The following PPM1J variants were observed in gnomAD, a reference collection of about 807,000 sequenced individuals.
PPM1J encodes protein phosphatase, Mg2+/Mn2+ dependent 1J.
In PPM1J, 43 loss-of-function variants were observed where a neutral mutation model predicts 53.3. The ratio of observed to expected loss-of-function variants is 0.81; its 90% CI spans 0.63 to 1.04. PPM1J has a LOEUF of 1.04. Among genes scored for constraint, PPM1J ranks in the 50% least tolerant of loss-of-function variants. The pLI, the probability that PPM1J is intolerant of heterozygous loss-of-function variation, is 0.00. For missense variants in PPM1J, 635 were observed against 685.9 expected (o/e 0.93, Z 0.83); for synonymous variants, 267 against 286.4 (o/e 0.93, Z 0.68).
chr1:112,710,070 C>A lies in PPM1J; in HGVS notation c.*93G>T. On this transcript the variant is annotated 3_prime_UTR_variant, in exon 10 of 10. Coordinates refer to ENST00000309276, the MANE Select transcript of PPM1J (RefSeq NM_005167.7). ...GGACATCCCTTCTTCAGTTAAGTTGCCACTAAAGAAGGGTCAGGGAGACAA... is the reference window on the plus strand; with the variant it reads ...GGACATCCCTTCTTCAGTTAAGTTGACACTAAAGAAGGGTCAGGGAGACAA... 1.4e-6 allele frequency: 2 copies of A among 1,469,360 alleles called. No individual in the cohort carries two copies. Among genetic ancestry groups the A allele is most frequent in the Middle Eastern group, 1.8e-4 (1 of 5,472 alleles). 91.0% of individuals were successfully genotyped at this position (1,469,360 alleles called of 1,614,324 possible). A position where few individuals can be genotyped will look rare whatever the true frequency, so the allele number is the denominator to read the frequency against.
At chr1:112,712,296 T>A (rs1403272153) in intron 4 of PPM1J, 49 bp downstream of exon 4, 1 of 1,403,184 alleles carries the variant, frequency 7.1e-7, no homozygotes, top group East Asian at 2.5e-5. Flanking sequence ...TTCCCCCAAC[T>A]CAGAGAGTGT....
intron 2 of PPM1J, 33 bp from the exon 3 acceptor site, chr1:112,713,064 T>TTGTGTGTGTGTGTG (rs36095892): frequency 0.01 from 10,394 of 1,029,576 alleles, 52 homozygotes; most frequent in East Asian, 0.023. Flanking sequence ...TGAGTTTTGT[T>TTGTGTGTGTGTGTG]TGTGTGTGTG....
Position 112,710,498 on chromosome 1 carries a change from G to C in PPM1J, c.1332C>G (p.Asp444Glu), listed in dbSNP as rs756049920. The C allele has an allele frequency of 2.5e-6, 4 of 1,613,964 alleles. No homozygotes were observed. In the Admixed American group the frequency reaches 6.7e-5, roughly 27 times the overall value. The change falls in exon 9 of 10, where the codon GAC becomes GAG. Residue 444 changes from aspartate to glutamate, a missense_variant. By Grantham distance (45) the Asp-to-Glu change is conservative (BLOSUM62 2). Transcript: ENST00000309276. ...TTDCEVAATVDRVLSAYEPND... is the reference protein window; with the variant it reads ...TTDCEVAATVERVLSAYEPND... ...TAGGCTCATAGGCCGACAGCACCCT[G>C]TCCACAGTGGCAGCTACCTCACAGT...
At chr1:112,712,684 C>T in intron 3 of PPM1J, 60 bp downstream of exon 3, 1 of 1,517,712 alleles carries the variant, frequency 6.6e-7, no homozygotes, top group Middle Eastern at 2.5e-4. Context: ...CCTCTGGCTT[C>T]CACACAGAGT....
intron 1 of PPM1J, chr1:112,714,639 C>T (rs1675152994): frequency 9.5e-6 from 11 of 1,156,770 alleles, no homozygotes; most frequent in African/African-American, 1.6e-5. Context: ...TTTCCCTTAG[C>T]CTTTAAGCTG....
At position 112,710,026 on chromosome 1, in the gene PPM1J, C is replaced by T; in HGVS notation, c.*137G>A. ...ATCCATCTCGTTTATTTGCCAATAGCTGTAATTTTGGATATAGCGGACATC... is the reference window on the plus strand; with the variant it reads ...ATCCATCTCGTTTATTTGCCAATAGTTGTAATTTTGGATATAGCGGACATC... On this transcript the variant is annotated 3_prime_UTR_variant, in exon 10 of 10. Coordinates refer to ENST00000309276, the MANE Select transcript of PPM1J (RefSeq NM_005167.7). The T allele has an allele frequency of 4.1e-6, 6 of 1,453,610 alleles. No homozygotes were observed. Among genetic ancestry groups the T allele is most frequent in the Non-Finnish European group, 5.4e-6 (6 of 1,104,926 alleles). 90.0% of individuals were successfully genotyped at this position (1,453,610 alleles called of 1,614,324 possible).
At chr1:112,714,854 C>A in intron 1 of PPM1J, 122 bp downstream of exon 1, 1 of 1,322,146 alleles carries the variant, frequency 7.6e-7, no homozygotes, top group Non-Finnish European at 9.6e-7. Context: ...AGCAAAGGTC[C>A]ACGGAAAAGG....
chr1:112,710,059 C>T lies in PPM1J; in HGVS notation c.*104G>A, dbSNP rs1430959895. On this transcript the variant is annotated 3_prime_UTR_variant, in exon 10 of 10. Transcript: ENST00000309276. Reference sequence around the variant, plus strand: ...TTGGATATAGCGGACATCCCTTCTTCAGTTAAGTTGCCACTAAAGAAGGGT... The same window carrying T: ...TTGGATATAGCGGACATCCCTTCTTTAGTTAAGTTGCCACTAAAGAAGGGT... 6.8e-7 allele frequency: 1 copy of T among 1,468,156 alleles called. No individual in the cohort carries two copies. Among genetic ancestry groups the T allele is most frequent in the Non-Finnish European group, 9.0e-7 (1 of 1,113,500 alleles). 90.9% of individuals were successfully genotyped at this position (1,468,156 alleles called of 1,614,324 possible).
chr1:112,710,063 TAAGTTGCCACTA>T lies in PPM1J; in HGVS notation c.*88_*99del. On this transcript the variant is annotated 3_prime_UTR_variant, in exon 10 of 10. Coordinates refer to ENST00000309276, the MANE Select transcript of PPM1J (RefSeq NM_005167.7). ...ATATAGCGGACATCCCTTCTTCAGT[TAAGTTGCCACTA>T]AAGAAGGGTCAGGGAGACAACTTCA... The T allele has an allele frequency of 6.8e-7, 1 of 1,473,718 alleles. No individual in the cohort carries two copies. Among genetic ancestry groups the T allele is most frequent in the East Asian group, 2.4e-5 (1 of 41,112 alleles). 91.3% of individuals were successfully genotyped at this position (1,473,718 alleles called of 1,614,324 possible).
At position 112,715,228 on chromosome 1, in the gene PPM1J, G is replaced by T. The variant is rs764068520; in HGVS notation, c.74C>A (p.Ser25Tyr). The change falls in exon 1 of 10, where the codon TCC (serine) becomes TAC (tyrosine). Residue 25 changes from serine to tyrosine, a missense_variant. Physicochemically the swap from Ser to Tyr is moderately radical, Grantham distance 144 (BLOSUM62 -2). Coordinates refer to ENST00000309276, the MANE Select transcript of PPM1J (RefSeq NM_005167.7). This position sits in a 1 kb window ranked among gnomAD's most constrained non-coding sequence, Gnocchi z 4.4. ...SGGAPPPRPK[S>Y]PDLPNAASAP... The stretch of plus-strand genomic sequence containing the variant: ...CGAGGCGGCGTTGGGCAGGTCCGGG[G>T]ATTTGGGGCGCGGAGGCGGAGCGCC... The T allele has an allele frequency of 2.1e-6, 3 of 1,398,508 alleles. No homozygotes were observed. The East Asian group carries it at 8.8e-5, about 41-fold the overall frequency. 86.6% of individuals were successfully genotyped at this position (1,398,508 alleles called of 1,614,324 possible).
chr1:112,711,227 T>A, intron 6 of PPM1J, 39 bp downstream of exon 6: 1 of 1,537,142 alleles, frequency 6.5e-7, no homozygotes, highest in Non-Finnish European at 9.0e-7. Context: ...CTGGTTGTGT[T>A]GCCATGGGAA....
At position 112,710,531 on chromosome 1, in the gene PPM1J, G is replaced by A; in HGVS notation, c.1299C>T (p.Val433=). 1 of 1,614,206 alleles carries A rather than the reference G, an allele frequency of 6.2e-7. No homozygotes were observed. Reference sequence around the variant, plus strand: ...TGGCAGCTACCTCACAGTCAGTAGTGACATCCCACAGGCCATCTGTTCCCA... The same window carrying A: ...TGGCAGCTACCTCACAGTCAGTAGTAACATCCCACAGGCCATCTGTTCCCA... The part of the protein sequence containing the change: ...LVLGTDGLWD[V]TTDCEVAATV... Residue 433 remains valine, a synonymous_variant, in exon 9 of 10, where the codon GTC becomes GTT. Coordinates refer to ENST00000309276, the MANE Select transcript of PPM1J (RefSeq NM_005167.7).
Position 112,710,566 on chromosome 1 carries a change from C to T in PPM1J, c.1264G>A (p.Val422Met), listed in dbSNP as rs763243152. ...AGGCCATCTGTTCCCAGGACTAGCACATCATCTGGGCAGTGCTCATATTGT... is the reference window on the plus strand; with the variant it reads ...AGGCCATCTGTTCCCAGGACTAGCATATCATCTGGGCAGTGCTCATATTGT... ...LTQYEHCPDD[V>M]LVLGTDGLWD... Residue 422 changes from valine (V) to methionine (M), a missense_variant, in exon 9 of 10, where the codon GTG becomes ATG. Val to Met is a conservative substitution (Grantham distance 21, BLOSUM62 1). Coordinates refer to ENST00000309276, the MANE Select transcript of PPM1J (RefSeq NM_005167.7). The T allele has an allele frequency of 1.9e-6, 3 of 1,614,212 alleles. No individual in the cohort carries two copies. Among genetic ancestry groups the T allele is most frequent in the South Asian group, 1.1e-5 (1 of 91,082 alleles).
chr1:112,714,201 C>A, intron 1 of PPM1J: 4 of 987,992 alleles, frequency 4.0e-6, no homozygotes, highest in Non-Finnish European at 4.8e-6. Flanking sequence ...CCATAAACTC[C>A]TCCCACACAG....
rs760773171 is a variant in PPM1J at position 112,710,745 on chromosome 1, T to C, written c.1217A>G (p.Glu406Gly). 2.5e-6 allele frequency: 4 copies of C among 1,614,018 alleles called. No homozygotes were observed. In the East Asian group the frequency reaches 8.9e-5, roughly 36 times the overall value. ...CAAGGTGTGGTTTAAGGGGCTCACC[T>C]CAGGGAAGCAGGAGAGAAAGGGCTT... ...PIKPFLSCFPEVRVYDLTQYE... is the reference protein window; with the variant it reads ...PIKPFLSCFPGVRVYDLTQYE... Residue 406 changes from glutamate (E) to glycine (G), a missense_variant and splice_region_variant, in exon 8 of 10, where the codon GAG becomes GGG. Glu to Gly is a moderately conservative substitution (Grantham distance 98). Transcript: ENST00000309276.
At chr1:112,711,414 C>T (rs1455524848) in intron 5 of PPM1J, 30 bp from the exon 6 acceptor site, 1 of 1,402,884 alleles carries the variant, frequency 7.1e-7, no homozygotes, top group Non-Finnish European at 1.0e-6. Flanking sequence ...GAACAGAGAG[C>T]CAGGGGGCAT....
Position 112,712,786 on chromosome 1 carries a change from C to T in PPM1J, c.687G>A (p.Glu229=). The change falls in exon 3 of 10, where the codon GAG becomes GAA. Residue 229 remains glutamate, a synonymous_variant. Coordinates refer to ENST00000309276, the MANE Select transcript of PPM1J (RefSeq NM_005167.7). The part of the protein sequence containing the change: ...CWSSQKEVSH[E]SLVVGAVENA... ...TCTCAACGGCCCCCACTACCAGGCT[C>T]TCGTGGCTCACTTCCTTCTGTGAAG... The T allele has an allele frequency of 6.2e-7, 1 of 1,612,696 alleles. No individual in the cohort carries two copies. Among genetic ancestry groups the T allele is most frequent in the Non-Finnish European group, 8.5e-7 (1 of 1,179,958 alleles).
In PPM1J at chr1:112,715,292, G is replaced by A. The variant is rs1242373575; in HGVS notation, c.10C>T (p.Arg4Trp). The A allele has an allele frequency of 1.5e-6, 2 of 1,297,340 alleles. No individual in the cohort carries two copies. Among genetic ancestry groups the A allele is most frequent in the South Asian group, 2.2e-5 (1 of 44,510 alleles). 80.4% of individuals were successfully genotyped at this position (1,297,340 alleles called of 1,614,324 possible). The change falls in exon 1 of 10, where the codon CGG becomes TGG. Residue 4 changes from arginine (R) to tryptophan (W), a missense_variant. Transcript: ENST00000309276. The surrounding 1 kb of genome is among the most constrained non-coding windows in gnomAD (Gnocchi z 4.4). Reference sequence around the variant, plus strand: ...AGGTGCGCCACGGCCGAGCGCACCCGGTTTAGCATGCTGCCTCCCTGCCCC... The same window carrying A: ...AGGTGCGCCACGGCCGAGCGCACCCAGTTTAGCATGCTGCCTCCCTGCCCC... Reference protein sequence around the residue: MLNRVRSAVAHLVS... With the variant: MLNWVRSAVAHLVS...
intron 2 of PPM1J, among the ~76,000 whole-genome samples, 199 bp from the exon 3 acceptor site, chr1:112,713,230 C>G (rs1029650662): frequency 6.6e-6 from 1 of 152,056 alleles, no homozygotes; most frequent in Non-Finnish European, 1.5e-5. Flanking sequence ...GCTCAAAAAC[C>G]CAAACTCAGA....
Sources: allele counts gnomAD v4.1 joint callset (sites outside exome capture counted in the v4.1 genomes callset), GRCh38; gene constraint gnomAD v4.1.1; non-coding constraint Gnocchi (gnomAD v3.1); transcripts MANE v1.5; gene names NCBI Gene and HGNC (gene_info 2026-07-23, HGNC 2026-07-21).